Variants in HERC1 observed in about 807,000 individuals in gnomAD.
HERC1 encodes the protein HECT and RLD domain containing E3 ubiquitin protein ligase family member 1, also known as probable E3 ubiquitin-protein ligase HERC1.
HERC1 carries 160 observed loss-of-function variants against 554.3 expected under a neutral mutation model. The observed-to-expected ratio is 0.29, with a 90% CI of 0.25 to 0.33. The LOEUF (loss-of-function observed/expected upper bound fraction) is 0.33. Ranked by LOEUF, HERC1 falls within the 10% of genes least tolerant of loss-of-function variation. The probability of loss-of-function intolerance (pLI) is 1.00; values close to 1 mark genes in which losing one functional copy is unlikely to be tolerated. For synonymous variants in HERC1, 2,175 were observed against 2,131.7 expected, an observed-to-expected ratio of 1.02 and a Z score of -0.56; for missense variants, 4,919 against 5,918.5, an observed-to-expected ratio of 0.83 and a Z score of 5.54.
At position 63,656,075 on chromosome 15, in the gene HERC1, GA is replaced by G; in HGVS notation, c.9870+12del. On this transcript the variant is annotated intron_variant, in intron 49 of 77. Transcript: ENST00000443617. ...AATCAATGTAACGGGGAAAAGTACTGAAAGTAGCTTACCTGTGTACACAACT... is the reference window on the plus strand; with the variant it reads ...AATCAATGTAACGGGGAAAAGTACTGAAGTAGCTTACCTGTGTACACAACT... 8 of 1,608,898 alleles carry G rather than the reference GA, an allele frequency of 5.0e-6. No homozygotes were observed. The highest frequency in any genetic ancestry group is 6.8e-6 in the Non-Finnish European group (8 of 1,176,088).
At chr15:63,632,875 T>A in intron 67 of HERC1, 64 bp from the exon 68 acceptor site, 1 of 1,102,964 alleles carries the variant, frequency 9.1e-7, no homozygotes, top group Non-Finnish European at 1.3e-6. Flanking sequence ...TGAATTTGCC[T>A]AATGGCATGT....
chr15:63,687,068 C>T (rs974363088), intron 33 of HERC1, among the ~76,000 whole-genome samples: 1 of 152,084 alleles, frequency 6.6e-6, no homozygotes, highest in Non-Finnish European at 1.5e-5. Context: ...TCATGGAAAA[C>T]CTTGTGTGTC....
intron 25 of HERC1, among the ~76,000 whole-genome samples, chr15:63,700,154 T>C (rs185297380): frequency 1.2e-4 from 18 of 152,300 alleles, no homozygotes; most frequent in African/African-American, 4.1e-4. Flanking sequence ...ATGGTTTTAG[T>C]TGTCGTTGAC....
At chr15:63,679,390 A>G (rs982165875) in intron 36 of HERC1, among the ~76,000 whole-genome samples, 8 of 152,244 alleles carry the variant, frequency 5.3e-5, no homozygotes, top group African/African-American at 1.9e-4. Flanking sequence ...TGGTTAGAAT[A>G]TATCAGGTCC....
chr15:63,613,854 A>C (rs1024864198), intron 76 of HERC1, among the ~76,000 whole-genome samples: 2 of 152,140 alleles, frequency 1.3e-5, no homozygotes, highest in Admixed American at 6.5e-5. Flanking sequence ...ACTGGCACTA[A>C]GGTTGTCCCA....
intron 1 of HERC1, chr15:63,780,006 C>A (rs1462819170): frequency 1.0e-5 from 1 of 98,626 alleles, no homozygotes; most frequent in African/African-American, 4.3e-5. Flanking sequence ...GAGGGAGACT[C>A]CATCTCAAAA....
chr15:63,705,665 A>G (rs2072964483), intron 25 of HERC1, among the ~76,000 whole-genome samples: 1 of 152,168 alleles, frequency 6.6e-6, no homozygotes, highest in South Asian at 2.1e-4. Context: ...GGCTTTTAGA[A>G]AACTGCCACT....
At chr15:63,687,781 AGATT>A (rs2153027387) in intron 33 of HERC1, among the ~76,000 whole-genome samples, 1 of 152,340 alleles carries the variant, frequency 6.6e-6, no homozygotes, top group African/African-American at 2.4e-5. Flanking sequence ...CAACTACTCT[AGATT>A]GATTAGGGAA....
chr15:63,770,426 G>C (rs1467236504), intron 2 of HERC1, among the ~76,000 whole-genome samples: 12 of 152,122 alleles, frequency 7.9e-5, no homozygotes, highest in Admixed American at 7.9e-4. Flanking sequence ...GCTGTCTAAA[G>C]ACATGGATGC....
In HERC1 at chr15:63,758,187, A is replaced by C. The variant is rs773799790; in HGVS notation, c.1209T>G (p.Ser403=). 2 of 1,609,600 alleles carry C rather than the reference A, an allele frequency of 1.2e-6. No homozygotes were observed. The highest frequency in any genetic ancestry group is 1.7e-6 in the Non-Finnish European group (2 of 1,176,146). ...TTAGAAAACTTACGGTCTGTGCATC[A>C]GAGAAACTAGGAGCCAGTTTGGGTT... ...ILQPKLAPSF[S]DAQTIEAGQY... The change falls in exon 4 of 78, where the codon TCT becomes TCG. Residue 403 remains serine (S), a synonymous_variant. Transcript: ENST00000443617. The surrounding 1 kb of genome is among the most constrained non-coding windows in gnomAD (Gnocchi z 4.0).
chr15:63,683,004 T>A (rs1307078446), intron 34 of HERC1, among the ~76,000 whole-genome samples: 2 of 151,804 alleles, frequency 1.3e-5, no homozygotes, highest in African/African-American at 4.8e-5. Flanking sequence ...GGCATGCTGA[T>A]GCGTGCCTCC....
chr15:63,683,361 T>C (rs940532993), intron 34 of HERC1, among the ~76,000 whole-genome samples: 8 of 152,228 alleles, frequency 5.3e-5, no homozygotes, highest in African/African-American at 1.4e-4. Context: ...TTTGCTATGA[T>C]TTTTTCCTAT....
chr15:63,759,063 T>C (rs1017504545), intron 3 of HERC1, among the ~76,000 whole-genome samples: 1 of 152,152 alleles, frequency 6.6e-6, no homozygotes, highest in Non-Finnish European at 1.5e-5. Flanking sequence ...TTAGAGTCTA[T>C]TTATTTGTTA....
chr15:63,643,531 G>A lies in HERC1; in HGVS notation c.11204C>T (p.Ser3735Leu). The A allele has an allele frequency of 6.2e-7, 1 of 1,600,298 alleles. No individual in the cohort carries two copies. Among genetic ancestry groups the A allele is most frequent in the Non-Finnish European group, 8.5e-7 (1 of 1,172,682 alleles). ...SNCQDGYRKS[S>L]GAKCVYQLRG... is the part of the protein sequence containing the mutation. ...CAGCTGATAAACACACTTGGCTCCT[G>A]ATGATTTCCTATATCCATCCTGAAA... Residue 3735 changes from serine (S) to leucine (L), a missense_variant, in exon 58 of 78, where the codon TCA becomes TTA. Ser to Leu is a moderately radical substitution (Grantham distance 145, BLOSUM62 -2). Transcript: ENST00000443617.
At chr15:63,646,204 C>T (rs1226896635) in intron 55 of HERC1, among the ~76,000 whole-genome samples, 1 of 152,106 alleles carries the variant, frequency 6.6e-6, no homozygotes, top group Non-Finnish European at 1.5e-5. Flanking sequence ...ATTTACGCTA[C>T]TTGCCTAGAT....
rs144666966 is a variant in HERC1, at chr15:63,822,709, T to C, written c.-27+11118A>G. ...GAAGTAGAAAACAGCCTATAAGAGG[T>C]CAAGTGAGAAAACAAGGAAACCAGA... On this transcript the variant is annotated intron_variant, in intron 1 of 77. Coordinates refer to ENST00000443617, the MANE Select transcript of HERC1 (RefSeq NM_003922.4). Among the ~76,000 whole-genome samples the C allele has an allele frequency of 5.2e-3, 796 of 151,816 alleles. 9 individuals are homozygous for C. Among genetic ancestry groups the C allele is most frequent in the African/African-American group, 0.019 (768 of 41,390 alleles).
chr15:63,788,582 T>C (rs1567128394), intron 1 of HERC1, among the ~76,000 whole-genome samples: 1 of 152,070 alleles, frequency 6.6e-6, no homozygotes, highest in African/African-American at 2.4e-5. Context: ...ACTACCACAG[T>C]TGTGGATTTC....
rs755068375 is a variant in HERC1 at position 63,636,093 on chromosome 15, A to G, written c.12282T>C (p.Ser4094=). ...LVTSCGSDGH[S]MALTESGEVF... ...CCTCACCACTTTCAGTTAGGGCCAT[A>G]GAGTGCCCATCAGAACCACAGGAAG... Residue 4094 remains serine (S), a synonymous_variant, in exon 65 of 78, where the codon TCT becomes TCC. Coordinates refer to ENST00000443617, the MANE Select transcript of HERC1 (RefSeq NM_003922.4). 5 of 1,613,696 alleles carry G rather than the reference A, an allele frequency of 3.1e-6. No homozygotes were observed. In the African/African-American group the frequency reaches 4.0e-5, roughly 13 times the overall value.
In HERC1 at chr15:63,807,436, T is replaced by C. The variant is rs79890462; in HGVS notation, c.-27+26391A>G. ...GTCCTGACCACTAGCTTGGCTTCCATTGCTCCAGCTCTCATCAGTTTCCAG... is the reference window on the plus strand; with the variant it reads ...GTCCTGACCACTAGCTTGGCTTCCACTGCTCCAGCTCTCATCAGTTTCCAG... On this transcript the variant is annotated intron_variant, in intron 1 of 77. Coordinates refer to ENST00000443617, the MANE Select transcript of HERC1 (RefSeq NM_003922.4). Among the ~76,000 whole-genome samples the C allele has an allele frequency of 3.2e-3, 483 of 152,302 alleles. 1 individual carries two copies. The highest frequency in any genetic ancestry group is 0.011 in the African/African-American group (456 of 41,560).
Sources: allele counts gnomAD v4.1 joint callset (sites outside exome capture counted in the v4.1 genomes callset), GRCh38; gene constraint gnomAD v4.1.1; non-coding constraint Gnocchi (gnomAD v3.1); transcripts MANE v1.5; gene names NCBI Gene and HGNC (gene_info 2026-07-23, HGNC 2026-07-21).